The following PARD3B variants were observed in gnomAD, a reference collection of about 807,000 sequenced individuals.
The protein encoded by PARD3B is partitioning defective 3 homolog B.
PARD3B carries 103 observed loss-of-function variants against 130.2 expected under a neutral mutation model. That is an observed-to-expected ratio of 0.79 (90% CI 0.67 to 0.93). The LOEUF is 0.93. Among genes scored for constraint, PARD3B ranks in the 40% least tolerant of loss-of-function variants. PARD3B has a pLI of 0.00. For missense variants in PARD3B, 1,609 were observed against 1,499.2 expected (o/e 1.07, Z -1.21); for synonymous variants, 583 against 553.2 (o/e 1.05, Z -0.76).
intron 4 of PARD3B, among the ~76,000 whole-genome samples, chr2:205,054,728 G>T (rs1015350161): frequency 2.0e-5 from 3 of 151,774 alleles, no homozygotes; most frequent in Non-Finnish European, 4.4e-5. Context: ...AGATGCCCAA[G>T]ATTTCTGCTG....
chr2:205,036,401 G>A lies in PARD3B; in HGVS notation c.395-11180G>A, dbSNP rs139310929. 5.4e-3 allele frequency among the ~76,000 whole-genome samples: 762 copies of A among 141,892 alleles called. 9 individuals are homozygous for A. Among genetic ancestry groups the A allele is most frequent in the African/African-American group, 0.018 (699 of 38,788 alleles). The allele number at this position is 141,892 out of a possible 152,430, so 93.1% of individuals were successfully genotyped here. ...ATAGCAGACTATATAAAAAATATAC[G>A]TATATAGCAGACTATATATAAAAAT... On this transcript the variant is annotated intron_variant, in intron 3 of 22. Transcript: ENST00000406610.
At chr2:204,642,794 C>G (rs985559972) in intron 1 of PARD3B, among the ~76,000 whole-genome samples, 10 of 151,694 alleles carry the variant, frequency 6.6e-5, no homozygotes, top group African/African-American at 2.4e-4. Flanking sequence ...CTTGTATTCT[C>G]ACAAGACCTG....
At chr2:204,707,508 T>A (rs895040931) in intron 2 of PARD3B, among the ~76,000 whole-genome samples, 1 of 152,220 alleles carries the variant, frequency 6.6e-6, no homozygotes, top group African/African-American at 2.4e-5. Flanking sequence ...CCAAGCAGTG[T>A]GCCTAGATAT....
intron 22 of PARD3B, among the ~76,000 whole-genome samples, chr2:205,569,876 G>A (rs1352341991): frequency 6.6e-6 from 1 of 152,072 alleles, no homozygotes; most frequent in East Asian, 1.9e-4. Context: ...TCTGCCAGCT[G>A]CTGGAAGCCT....
rs1449615334 is a variant in PARD3B, at chr2:205,265,396, G to T, written c.2185+19574G>T. 3.3e-5 allele frequency among the ~76,000 whole-genome samples: 5 copies of T among 152,036 alleles called. No homozygotes were observed. In the East Asian group the frequency reaches 9.7e-4, roughly 29 times the overall value. On this transcript the variant is annotated intron_variant, in intron 16 of 22. Coordinates refer to ENST00000406610, the MANE Select transcript of PARD3B (RefSeq NM_001302769.2). This position sits in a 1 kb window ranked among gnomAD's most constrained non-coding sequence, Gnocchi z 4.3. ...TATTTACTTTTGAAATTAATGTGAA[G>T]GGCTCTGTAGCTTCTTTTTCTTCCT...
At chr2:204,580,516 T>C (rs1376154880) in intron 1 of PARD3B, among the ~76,000 whole-genome samples, 2 of 152,120 alleles carry the variant, frequency 1.3e-5, no homozygotes, top group African/African-American at 2.4e-5. Context: ...GTTATGGAGG[T>C]AGCTAGAAGC....
rs2052987268 is a variant in PARD3B at position 205,558,362 on chromosome 2, A to G, written c.3260+4959A>G. Among the ~76,000 whole-genome samples the G allele has an allele frequency of 6.6e-6, 1 of 152,122 alleles. No individual in the cohort carries two copies. Among genetic ancestry groups the G allele is most frequent in the Admixed American group, 6.5e-5 (1 of 15,272 alleles). On this transcript the variant is annotated intron_variant, in intron 22 of 22. Transcript: ENST00000406610. The surrounding 1 kb of genome is among the most constrained non-coding windows in gnomAD (Gnocchi z 4.8). ...ATTCGCAGGTGGGAGAGATCCAGAGATACTGCTAAGATACTCCTATTATCT... is the reference window on the plus strand; with the variant it reads ...ATTCGCAGGTGGGAGAGATCCAGAGGTACTGCTAAGATACTCCTATTATCT...
chr2:205,502,632 A>C (rs2050198153), intron 21 of PARD3B, among the ~76,000 whole-genome samples: 1 of 152,074 alleles, frequency 6.6e-6, no homozygotes, highest in South Asian at 2.1e-4. Flanking sequence ...TATACTGGGG[A>C]ACTTCTGAAC....
intron 21 of PARD3B, among the ~76,000 whole-genome samples, chr2:205,533,258 T>C (rs1158902152): frequency 1.3e-5 from 2 of 152,208 alleles, no homozygotes; most frequent in African/African-American, 2.4e-5. Flanking sequence ...ATAATGATCA[T>C]AAATAAAACA....
intron 4 of PARD3B, among the ~76,000 whole-genome samples, chr2:205,075,235 T>C (rs764380619): frequency 6.6e-6 from 1 of 152,166 alleles, no homozygotes; most frequent in East Asian, 1.9e-4. Flanking sequence ...TGAAGGAATG[T>C]TTGAGAGCTT....
chr2:205,289,503 A>G (rs1206311900), intron 16 of PARD3B, among the ~76,000 whole-genome samples: 2 of 152,206 alleles, frequency 1.3e-5, no homozygotes, highest in East Asian at 3.9e-4. Context: ...CAGATAAGGA[A>G]ACTGAGGCAC....
At chr2:204,826,031 C>T (rs1226577580) in intron 2 of PARD3B, among the ~76,000 whole-genome samples, 1 of 152,136 alleles carries the variant, frequency 6.6e-6, no homozygotes. Flanking sequence ...GACTCCACTT[C>T]CACTTTTATT....
intron 3 of PARD3B, among the ~76,000 whole-genome samples, chr2:205,037,819 C>T (rs1698114552): frequency 6.6e-6 from 1 of 151,764 alleles, no homozygotes; most frequent in South Asian, 2.1e-4. Flanking sequence ...ACAGGGTTAA[C>T]CTATAGCAAT....
At chr2:205,408,029 T>C (rs1198527398) in intron 19 of PARD3B, among the ~76,000 whole-genome samples, 1 of 152,196 alleles carries the variant, frequency 6.6e-6, no homozygotes, top group Non-Finnish European at 1.5e-5. Flanking sequence ...CATATGGCTC[T>C]TGTTTTCAAC....
At chr2:204,733,339 T>C (rs1208678998) in intron 2 of PARD3B, among the ~76,000 whole-genome samples, 2 of 152,108 alleles carry the variant, frequency 1.3e-5, no homozygotes, top group African/African-American at 4.8e-5. Flanking sequence ...CTACCCAGCA[T>C]TGTTGAGAGA....
intron 4 of PARD3B, among the ~76,000 whole-genome samples, chr2:205,071,244 T>C (rs921527034): frequency 2.6e-5 from 4 of 152,176 alleles, no homozygotes; most frequent in Non-Finnish European, 5.9e-5. Flanking sequence ...TATTAATTCT[T>C]ACAAGTTTCC....
At position 205,577,188 on chromosome 2, in the gene PARD3B, T is replaced by G. The variant is rs192728652; in HGVS notation, c.3260+23785T>G. On this transcript the variant is annotated intron_variant, in intron 22 of 22. Coordinates refer to ENST00000406610, the MANE Select transcript of PARD3B (RefSeq NM_001302769.2). ...TGCTTATTAATTCCAGGAGGGTTTT[T>G]TGTGTGTGTGTCAGTTCTTTCAGAT... 9.3e-4 allele frequency among the ~76,000 whole-genome samples: 141 copies of G among 152,268 alleles called. 1 individual carries two copies. Among genetic ancestry groups the G allele is most frequent in the African/African-American group, 1.8e-3 (74 of 41,564 alleles).
At chr2:204,684,145 G>A (rs2036967541) in intron 1 of PARD3B, among the ~76,000 whole-genome samples, 1 of 152,138 alleles carries the variant, frequency 6.6e-6, no homozygotes, top group African/African-American at 2.4e-5. Context: ...GCAGGAAGGT[G>A]TACTTTAACT....
chr2:204,918,424 A>C (rs1418831632), intron 2 of PARD3B, among the ~76,000 whole-genome samples: 1 of 151,956 alleles, frequency 6.6e-6, no homozygotes, highest in African/African-American at 2.4e-5. Context: ...AGGTCAGGAG[A>C]TCGAGACCAT....
Sources: gnomAD v4.1 joint callset for allele counts (sites outside exome capture counted in the v4.1 genomes callset) on GRCh38, gnomAD v4.1.1 for gene constraint, Gnocchi (gnomAD v3.1) non-coding constraint, MANE v1.5 for transcripts, NCBI Gene and HGNC (gene_info 2026-07-23, HGNC 2026-07-21) for gene names.